SERPINA3: variants seen among roughly 807,000 people sequenced by gnomAD.
SERPINA3 encodes alpha-1-antichymotrypsin.
A neutral mutation model predicts 26.8 loss-of-function variants in SERPINA3; 32 were observed. That is an observed-to-expected ratio of 1.20 (90% confidence interval 0.90 to 1.61). The LOEUF is 1.61. Among genes scored for constraint, SERPINA3 ranks in the 40% most tolerant of loss-of-function variants. The pLI, the probability that SERPINA3 is intolerant of heterozygous loss-of-function variation, is 0.00. For synonymous variants in SERPINA3, 252 were observed against 206.4 expected (o/e 1.22, Z -1.89); for missense variants, 632 against 517.9 (o/e 1.22, Z -2.14).
In SERPINA3 at chr14:94,622,485, C is replaced by T. The variant is rs369574957; in HGVS notation, c.1062C>T (p.Val354=). 89 of 1,613,950 alleles carry T rather than the reference C, an allele frequency of 5.5e-5. No homozygotes were observed. The highest frequency in any genetic ancestry group is 7.2e-5 in the Non-Finnish European group (85 of 1,180,000). Residue 354 remains valine (V), a synonymous_variant, in exon 4 of 5, where the codon GTC becomes GTT. Transcript: ENST00000393078. Reference sequence around the variant, plus strand: ...TCACAGGGGCCAGGAACCTAGCAGTCTCCCAGGTGAGTCTTTAGACTTGGG... The same window carrying T: ...TCACAGGGGCCAGGAACCTAGCAGTTTCCCAGGTGAGTCTTTAGACTTGGG... ...SGITGARNLA[V]SQVVHKAVLD...
intron 3 of SERPINA3, 111 bp from the exon 4 acceptor site, chr14:94,622,230 A>G (rs1389892470): frequency 5.3e-6 from 5 of 951,506 alleles, no homozygotes; most frequent in African/African-American, 1.6e-5. Flanking sequence ...TTATTTTCCA[A>G]TCAGAAGGGG....
chr14:94,623,745 G>A lies in SERPINA3; in HGVS notation c.1203G>A (p.Met401Ile). ...TGCGTTTCAACAGGCCCTTCCTGATGATCATTGTCCCTACAGACACCCAGA... is the reference window on the plus strand; with the variant it reads ...TGCGTTTCAACAGGCCCTTCCTGATAATCATTGTCCCTACAGACACCCAGA... The part of the protein sequence containing the change: ...TIVRFNRPFL[M>I]IIVPTDTQNI... The change falls in exon 5 of 5, where the codon ATG becomes ATA. Residue 401 changes from methionine to isoleucine, a missense_variant. Transcript: ENST00000393078. 1 of 1,614,154 alleles carries A rather than the reference G, an allele frequency of 6.2e-7. No homozygotes were observed. Among genetic ancestry groups the A allele is most frequent in the Non-Finnish European group, 8.5e-7 (1 of 1,180,026 alleles).
intron 3 of SERPINA3, 52 bp from the exon 4 acceptor site, chr14:94,622,289 G>C (rs9323910): frequency 0.23 from 371,234 of 1,588,852 alleles, 44,232 homozygotes; most frequent in African/African-American, 0.31. Context: ...GTGGGAGGCA[G>C]GTAGGTACTG....
chr14:94,618,627 G>T (rs1595096994), intron 2 of SERPINA3: 1 of 184,948 alleles, frequency 5.4e-6, no homozygotes, highest in Non-Finnish European at 1.1e-5. Flanking sequence ...GTCTCTCCTG[G>T]CTCTGAGTTC....
rs867783314 is a variant in SERPINA3 at position 94,614,563 on chromosome 14, G to A, written c.122G>A (p.Arg41Gln). 5.6e-6 allele frequency: 9 copies of A among 1,614,012 alleles called. No individual in the cohort carries two copies. The highest frequency in any genetic ancestry group is 3.3e-4 in the Middle Eastern group (2 of 6,084). The change falls in exon 2 of 5, where the codon CGA becomes CAA. Residue 41 changes from arginine (R) to glutamine (Q), a missense_variant. By Grantham distance (43) the Arg-to-Gln change is conservative (BLOSUM62 1). Coordinates refer to ENST00000393078, the MANE Select transcript of SERPINA3 (RefSeq NM_001085.5). ...EENLTQENQD[R>Q]GTHVDLGLAS... ...AATCTGACCCAGGAGAACCAAGACC[G>A]AGGGACACACGTGGACCTCGGATTA...
In SERPINA3 at chr14:94,624,040, A is replaced by G. The variant is rs1165039435; in HGVS notation, c.*226A>G. On this transcript the variant is annotated 3_prime_UTR_variant, in exon 5 of 5. Coordinates refer to ENST00000393078, the MANE Select transcript of SERPINA3 (RefSeq NM_001085.5). ...GTCCTGGGCCTCCTGACAGCAATAA[A>G]TAATTTCGTTGGACACGTTGCTTGT... is the stretch of plus-strand genomic sequence containing the variant. 2 of 593,730 alleles carry G rather than the reference A, an allele frequency of 3.4e-6. No homozygotes were observed. The highest frequency in any genetic ancestry group is 1.9e-5 in the African/African-American group (1 of 53,684). 36.8% of individuals were successfully genotyped at this position (593,730 alleles called of 1,614,324 possible).
intron 1 of SERPINA3, among the ~76,000 whole-genome samples, chr14:94,613,023 C>T (rs1885842245): frequency 6.6e-6 from 1 of 152,202 alleles, no homozygotes; most frequent in Non-Finnish European, 1.5e-5. Context: ...CAAGCCTTTG[C>T]CCCTGAAATA....
chr14:94,619,043 C>T, intron 2 of SERPINA3, 152 bp from the exon 3 acceptor site: 7 of 822,884 alleles, frequency 8.5e-6, no homozygotes, highest in Non-Finnish European at 1.2e-5. Flanking sequence ...TCCCTCACCC[C>T]CAATAACTTT....
Position 94,612,430 on chromosome 14 carries a change from T to C in SERPINA3, c.-26T>C, listed in dbSNP as rs1243263975. On this transcript the variant is annotated 5_prime_UTR_variant, in exon 1 of 5. Transcript: ENST00000393078. ...ACGGCTTTGGAATCCACCAGCTACA[T>C]CCAGCTCCCTGAGGCAGGTAATCCA... 7.3e-7 allele frequency: 1 copy of C among 1,365,362 alleles called. No homozygotes were observed. Among genetic ancestry groups the C allele is most frequent in the Admixed American group, 1.9e-5 (1 of 52,518 alleles). The allele number at this position is 1,365,362 out of a possible 1,614,324, so 84.6% of individuals were successfully genotyped here.
At chr14:94,617,698 G>C (rs569046799) in intron 2 of SERPINA3, 1 of 152,170 alleles carries the variant, frequency 6.6e-6, no homozygotes, top group Non-Finnish European at 1.5e-5. Context: ...AACCCCTAAA[G>C]TAAAGCCGTT....
At chr14:94,621,980 G>A (rs2139964749) in intron 3 of SERPINA3, among the ~76,000 whole-genome samples, 1 of 152,304 alleles carries the variant, frequency 6.6e-6, no homozygotes. Flanking sequence ...GAAGCAGGCT[G>A]CCATGCAGCC....
intron 3 of SERPINA3, among the ~76,000 whole-genome samples, chr14:94,620,281 G>C (rs1886153454): frequency 6.6e-6 from 1 of 152,196 alleles, no homozygotes; most frequent in African/African-American, 2.4e-5. Flanking sequence ...GCTTGATGTG[G>C]TCAAAGAAGA....
chr14:94,614,297 G>A lies in SERPINA3; in HGVS notation c.-8-137G>A, dbSNP rs1885893507. The A allele has an allele frequency of 5.0e-6, 4 of 792,768 alleles. No individual in the cohort carries two copies. The South Asian group carries it at 5.9e-5, about 12-fold the overall frequency. The allele number at this position is 792,768 out of a possible 1,614,324, so 49.1% of individuals were successfully genotyped here. A position where few individuals can be genotyped will look rare whatever the true frequency, so the allele number is the denominator to read the frequency against. ...TGATGTGTGTCGGGTGCCCCAGAGA[G>A]CACCTACCTGAGGGAGGCTCCAAAG... On this transcript the variant is annotated intron_variant, in intron 1 of 4. Coordinates refer to ENST00000393078, the MANE Select transcript of SERPINA3 (RefSeq NM_001085.5).
intron 2 of SERPINA3, chr14:94,615,637 T>A: frequency 3.2e-6 from 1 of 313,334 alleles, no homozygotes; most frequent in Non-Finnish European, 6.3e-6. Flanking sequence ...TCTGCTATCA[T>A]CTTTAATTAT....
chr14:94,620,926 G>T (rs1398092330), intron 3 of SERPINA3, among the ~76,000 whole-genome samples: 1 of 152,134 alleles, frequency 6.6e-6, no homozygotes, highest in African/African-American at 2.4e-5. Flanking sequence ...GGAGCAGGTC[G>T]CTGCTCTTCT....
rs745954979 is a variant in SERPINA3, at chr14:94,619,194, G to A, written c.644-1G>A. 6.2e-7 allele frequency: 1 copy of A among 1,613,840 alleles called. No homozygotes were observed. Among genetic ancestry groups the A allele is most frequent in the Non-Finnish European group, 8.5e-7 (1 of 1,179,764 alleles). Reference sequence around the variant, plus strand: ...TCTCCAACTGCTTGCTCCACCTTCAGCCAAATGGGAGATGCCCTTTGACCC... The same window carrying A: ...TCTCCAACTGCTTGCTCCACCTTCAACCAAATGGGAGATGCCCTTTGACCC... On this transcript the variant is annotated splice_acceptor_variant, in intron 2 of 4. Coordinates refer to ENST00000393078, the MANE Select transcript of SERPINA3 (RefSeq NM_001085.5). LOFTEE classifies it high-confidence loss of function.
chr14:94,615,190 A>C, intron 2 of SERPINA3, 106 bp downstream of exon 2: 4 of 1,230,446 alleles, frequency 3.3e-6, no homozygotes, highest in Non-Finnish European at 4.7e-6. Flanking sequence ...GAGAGTGCCC[A>C]CAGCATGGGG....
In SERPINA3 at chr14:94,623,667, C is replaced by A. The variant is rs1420131111; in HGVS notation, c.1125C>A (p.Ala375=). 2.5e-6 allele frequency: 4 copies of A among 1,614,154 alleles called. No individual in the cohort carries two copies. In the Admixed American group the frequency reaches 6.7e-5, roughly 27 times the overall value. Residue 375 remains alanine, a synonymous_variant, in exon 5 of 5, where the codon GCC becomes GCA. Coordinates refer to ENST00000393078, the MANE Select transcript of SERPINA3 (RefSeq NM_001085.5). ...AGGAGGGCACAGAAGCATCTGCTGC[C>A]ACAGCAGTCAAAATCACCCTCCTTT... is the stretch of plus-strand genomic sequence containing the variant. ...VFEEGTEASA[A]TAVKITLLSA...
intron 1 of SERPINA3, 152 bp from the exon 2 acceptor site, chr14:94,614,282 C>T (rs867664088): frequency 7.2e-6 from 5 of 692,446 alleles, no homozygotes; most frequent in East Asian, 5.2e-5. Flanking sequence ...TGATGTGTGT[C>T]GGGTGCCCCA....
Sources: gnomAD v4.1 joint callset for allele counts (sites outside exome capture counted in the v4.1 genomes callset) on GRCh38, gnomAD v4.1.1 for gene constraint, MANE v1.5 for transcripts, NCBI Gene and HGNC (gene_info 2026-07-23, HGNC 2026-07-21) for gene names.